The following RABGAP1L variants were observed in gnomAD, a reference collection of about 807,000 sequenced individuals.
RABGAP1L encodes the protein rab GTPase-activating protein 1-like.
RABGAP1L carries 63 observed loss-of-function variants against 137.7 expected under a neutral mutation model. That is an observed-to-expected ratio of 0.46 (90% CI 0.37 to 0.56). The LOEUF is 0.56. Among genes scored for constraint, RABGAP1L ranks in the 20% least tolerant of loss-of-function variants. The pLI, the probability that RABGAP1L is intolerant of heterozygous loss-of-function variation, is 0.00. For missense variants in RABGAP1L, 1,095 were observed against 1,244.0 expected (o/e 0.88, Z 1.80); for synonymous variants, 431 against 433.7 (o/e 0.99, Z 0.08).
chr1:174,970,642 G>T (rs1013894240), intron 21 of RABGAP1L, among the ~76,000 whole-genome samples: 2 of 151,998 alleles, frequency 1.3e-5, no homozygotes, highest in African/African-American at 4.8e-5. Flanking sequence ...ATGACTCCAG[G>T]AAGCAGTTAT....
chr1:174,978,747 T>C, intron 22 of RABGAP1L, 60 bp from the exon 23 acceptor site: 1 of 1,485,998 alleles, frequency 6.7e-7, no homozygotes, highest in Non-Finnish European at 8.9e-7. Flanking sequence ...TGAATATAGA[T>C]GTTTGTGAAA....
intron 11 of RABGAP1L, among the ~76,000 whole-genome samples, chr1:174,317,746 GC>G (rs1679523255): frequency 6.6e-6 from 1 of 152,168 alleles, no homozygotes; most frequent in Non-Finnish European, 1.5e-5. Context: ...GGTCTAGACT[GC>G]CTTTCACATT....
At chr1:174,635,495 T>C (rs1420028692) in intron 13 of RABGAP1L, among the ~76,000 whole-genome samples, 5 of 152,188 alleles carry the variant, frequency 3.3e-5, no homozygotes, top group African/African-American at 1.2e-4. Context: ...TTTCATAATA[T>C]ATCACTTTAT....
At chr1:174,590,979 T>C (rs1669577523) in intron 13 of RABGAP1L, among the ~76,000 whole-genome samples, 1 of 15,814 alleles carries the variant, frequency 6.3e-5, no homozygotes, top group Non-Finnish European at 9.7e-5. Flanking sequence ...AGTGTAAAAG[T>C]GTTCCTATTT....
At chr1:174,622,492 G>A (rs1202837063) in intron 13 of RABGAP1L, among the ~76,000 whole-genome samples, 2 of 152,124 alleles carry the variant, frequency 1.3e-5, no homozygotes, top group African/African-American at 4.8e-5. Flanking sequence ...AAGAAAATGT[G>A]GCACATATAC....
chr1:174,279,438 TA>T (rs1228299285), intron 10 of RABGAP1L, among the ~76,000 whole-genome samples: 1 of 152,182 alleles, frequency 6.6e-6, no homozygotes, highest in Non-Finnish European at 1.5e-5. Context: ...ACATCTTTTA[TA>T]TGCTGTTTTT....
At chr1:174,838,049 C>A (rs901667885) in intron 19 of RABGAP1L, among the ~76,000 whole-genome samples, 1 of 152,168 alleles carries the variant, frequency 6.6e-6, no homozygotes, top group Non-Finnish European at 1.5e-5. Context: ...ATTTGATATA[C>A]CTCTTTCCAA....
intron 13 of RABGAP1L, among the ~76,000 whole-genome samples, chr1:174,570,226 C>T (rs949420215): frequency 6.6e-6 from 1 of 152,192 alleles, no homozygotes. Context: ...GAAGTACTTT[C>T]TAAAGCAAAC....
chr1:174,491,571 T>G (rs1038690287), intron 13 of RABGAP1L, among the ~76,000 whole-genome samples: 1 of 152,102 alleles, frequency 6.6e-6, no homozygotes, highest in African/African-American at 2.4e-5. Context: ...AAGCACTGTA[T>G]TAACCATTGT....
chr1:174,817,714 G>A (rs146033697), intron 19 of RABGAP1L, among the ~76,000 whole-genome samples: 3 of 152,304 alleles, frequency 2.0e-5, no homozygotes, highest in African/African-American at 7.2e-5. Context: ...TTGCTGTGTG[G>A]GAATGGATTG....
chr1:174,377,659 A>C (rs1416968366), intron 12 of RABGAP1L, among the ~76,000 whole-genome samples: 1 of 152,190 alleles, frequency 6.6e-6, no homozygotes, highest in Non-Finnish European at 1.5e-5. Flanking sequence ...GTGAGATACC[A>C]CTTCATACCC....
chr1:174,637,418 C>A lies in RABGAP1L; in HGVS notation c.1754C>A (p.Thr585Lys). 1 of 1,613,306 alleles carries A rather than the reference C, an allele frequency of 6.2e-7. No individual in the cohort carries two copies. The highest frequency in any genetic ancestry group is 8.5e-7 in the Non-Finnish European group (1 of 1,179,308). The change falls in exon 14 of 26, where the codon ACA becomes AAA. Residue 585 changes from threonine (T) to lysine (K), a missense_variant. Transcript: ENST00000681986. The part of the protein sequence containing the change: ...ESVITRDIHR[T>K]FPAHDYFKDT... ...GTTATTACTCGAGATATTCATCGTA[C>A]ATTTCCCGCACATGATTACTTTAAA...
intron 18 of RABGAP1L, among the ~76,000 whole-genome samples, chr1:174,806,325 C>T (rs921499567): frequency 6.6e-6 from 1 of 152,178 alleles, no homozygotes; most frequent in Non-Finnish European, 1.5e-5. Flanking sequence ...TGTGTGCAGG[C>T]ATGGTAGCTC....
intron 11 of RABGAP1L, among the ~76,000 whole-genome samples, chr1:174,318,445 G>A (rs762102579): frequency 3.3e-5 from 5 of 151,944 alleles, no homozygotes; most frequent in East Asian, 1.9e-4. Context: ...TAATTGGGGC[G>A]TTGTGTTTTT....
chr1:174,668,688 C>T (rs1340920909), intron 14 of RABGAP1L, among the ~76,000 whole-genome samples: 1 of 152,088 alleles, frequency 6.6e-6, no homozygotes, highest in African/African-American at 2.4e-5. Flanking sequence ...AACATTCATA[C>T]TGTTTTGAAT....
rs1021708355 is a variant in RABGAP1L, at chr1:174,636,231, T to C, written c.1711-1144T>C. On this transcript the variant is annotated intron_variant, in intron 13 of 25. Coordinates refer to ENST00000681986, the MANE Select transcript of RABGAP1L (RefSeq NM_001366446.1). ...TGTCTTCAACAAATATCTAGGCTTA[T>C]CTTTAAAGAAGATATCATCCTTCAC... 2.6e-5 allele frequency among the ~76,000 whole-genome samples: 4 copies of C among 152,324 alleles called. No individual in the cohort carries two copies. The East Asian group carries it at 7.7e-4, about 29-fold the overall frequency.
rs1672256215 is a variant in RABGAP1L, at chr1:174,994,538, A to G, written c.*4537A>G. ...TTTCCTTTTTCATTGGCAATTAGTT[A>G]ACATGTAAAATCTTTTCCATTAAAC... On this transcript the variant is annotated 3_prime_UTR_variant, in exon 26 of 26. Coordinates refer to ENST00000681986, the MANE Select transcript of RABGAP1L (RefSeq NM_001366446.1). The G allele has an allele frequency of 6.6e-6, 1 of 152,258 alleles. No homozygotes were observed. The highest frequency in any genetic ancestry group is 2.4e-5 in the African/African-American group (1 of 41,464). 9.4% of individuals were successfully genotyped at this position (152,258 alleles called of 1,614,324 possible).
At chr1:174,679,226 G>C (rs914539920) in intron 14 of RABGAP1L, among the ~76,000 whole-genome samples, 1 of 152,118 alleles carries the variant, frequency 6.6e-6, no homozygotes, top group African/African-American at 2.4e-5. Context: ...CGGGTGTGCG[G>C]GTGTGAGCTA....
chr1:174,964,488 A>T (rs1050083639), intron 20 of RABGAP1L, among the ~76,000 whole-genome samples: 3 of 152,192 alleles, frequency 2.0e-5, no homozygotes, highest in African/African-American at 7.2e-5. Flanking sequence ...CCAGGTACAC[A>T]TGAGATCCAG....
Sources: allele counts gnomAD v4.1 joint callset (sites outside exome capture counted in the v4.1 genomes callset), GRCh38; gene constraint gnomAD v4.1.1; transcripts MANE v1.5; gene names NCBI Gene and HGNC (gene_info 2026-07-23, HGNC 2026-07-21).